The following GABPA variants were observed in gnomAD, a reference collection of about 807,000 sequenced individuals.
GABPA encodes the protein GA binding protein transcription factor subunit alpha.
In GABPA, 4 loss-of-function variants were observed where a neutral mutation model predicts 59.4. The observed-to-expected ratio is 0.07, with a 90% confidence interval of 0.03 to 0.15. The LOEUF is 0.15. Ranked by LOEUF, GABPA falls within the 10% of genes least tolerant of loss-of-function variation. The probability of loss-of-function intolerance (pLI) is 1.00; values close to 1 mark genes in which losing one functional copy is unlikely to be tolerated. For missense variants in GABPA, 251 were observed against 543.8 expected (o/e 0.46, Z 5.36); for synonymous variants, 164 against 183.1 (o/e 0.90, Z 0.84).
chr21:25,736,011 T>A (rs897493748), intron 1 of GABPA, among the ~76,000 whole-genome samples: 1 of 152,152 alleles, frequency 6.6e-6, no homozygotes, highest in Non-Finnish European at 1.5e-5. Context: ...GATTCACTCA[T>A]TTCAAATCCG....
intron 6 of GABPA, among the ~76,000 whole-genome samples, chr21:25,761,576 G>A (rs2035767547): frequency 6.6e-6 from 1 of 152,182 alleles, no homozygotes; most frequent in Admixed American, 6.6e-5. Context: ...GGAGGGTATA[G>A]TTTCAATTTC....
At position 25,757,979 on chromosome 21, in the gene GABPA, A is replaced by G. The variant is rs565203726; in HGVS notation, c.554-31A>G. 108 of 1,393,844 alleles carry G rather than the reference A, an allele frequency of 7.7e-5. 2 individuals are homozygous for G. In the South Asian group the frequency reaches 1.6e-3, roughly 20 times the overall value. 86.3% of individuals were successfully genotyped at this position (1,393,844 alleles called of 1,614,324 possible). ...AAATTTACACAGTATCTAAAATGGA[A>G]CTAGGCTAAAGTGAATATTTTTCTT... On this transcript the variant is annotated intron_variant, in intron 5 of 9. Transcript: ENST00000400075.
intron 9 of GABPA, 112 bp downstream of exon 9, chr21:25,764,899 T>TTTA: frequency 1.4e-6 from 1 of 718,668 alleles, no homozygotes; most frequent in Non-Finnish European, 2.0e-6. Context: ...AAAACTTGTT[T>TTTA]ATGTTTTTTT....
intron 4 of GABPA, 61 bp from the exon 5 acceptor site, chr21:25,751,927 TA>T: frequency 6.4e-7 from 1 of 1,551,944 alleles, no homozygotes; most frequent in Non-Finnish European, 8.8e-7. Context: ...TAAACTAAAT[TA>T]TTTTTTGGTG....
At position 25,762,966 on chromosome 21, in the gene GABPA, A is replaced by G. The variant is rs1601148760; in HGVS notation, c.802+601A>G. ...CCAGGGCAAACCCTTCGCCGCCTCC[A>G]CTACTTTTGCTTGGCTTTTCCCCTT... On this transcript the variant is annotated intron_variant, in intron 7 of 9. Transcript: ENST00000400075. 5.3e-5 allele frequency: 20 copies of G among 378,458 alleles called. 1 individual carries two copies. The South Asian group carries it at 5.3e-4, about 10-fold the overall frequency. 23.4% of individuals were successfully genotyped at this position (378,458 alleles called of 1,614,324 possible).
At chr21:25,768,473 C>A (rs910431522) in intron 9 of GABPA, among the ~76,000 whole-genome samples, 1 of 151,870 alleles carries the variant, frequency 6.6e-6, no homozygotes, top group Non-Finnish European at 1.5e-5. Flanking sequence ...ATTAACATAG[C>A]TTATATTTTG....
At chr21:25,743,125 G>A (rs1430577047) in intron 2 of GABPA, among the ~76,000 whole-genome samples, 1 of 152,160 alleles carries the variant, frequency 6.6e-6, no homozygotes, top group African/African-American at 2.4e-5. Context: ...GAGACTCTCA[G>A]CAAGATGCCT....
At chr21:25,763,253 T>G (rs759429930) in intron 7 of GABPA, 2 of 410,836 alleles carry the variant, frequency 4.9e-6, no homozygotes, top group Non-Finnish European at 9.4e-6. Context: ...CTTTTAAGCC[T>G]GCTGAGCTCT....
rs71651655 is a variant in GABPA, at chr21:25,768,163, T to C, written c.1137-841T>C. ...ATAAATCCAGCTCCATTTGCATCTC[T>C]ATAGAATGCAGCAGTAAACTAGATT... On this transcript the variant is annotated intron_variant, in intron 9 of 9. Coordinates refer to ENST00000400075, the MANE Select transcript of GABPA (RefSeq NM_002040.4). Among the ~76,000 whole-genome samples the C allele has an allele frequency of 3.7e-4, 57 of 152,090 alleles. No homozygotes were observed. The East Asian group carries it at 8.5e-3, about 23-fold the overall frequency.
At chr21:25,762,519 A>G (rs543046587) in intron 7 of GABPA, among the ~76,000 whole-genome samples, 154 bp downstream of exon 7, 1 of 152,336 alleles carries the variant, frequency 6.6e-6, no homozygotes, top group East Asian at 1.9e-4. Flanking sequence ...CAAGTACTTT[A>G]TAAGATCCAC....
Position 25,764,343 on chromosome 21 carries a change from C to T in GABPA, c.936C>T (p.Asn312=), listed in dbSNP as rs1447610590. 3.7e-6 allele frequency: 6 copies of T among 1,606,266 alleles called. No individual in the cohort carries two copies. In the Admixed American group the frequency reaches 8.6e-5, roughly 23 times the overall value. Residue 312 remains asparagine, a synonymous_variant, in exon 8 of 10, where the codon AAC becomes AAT. Coordinates refer to ENST00000400075, the MANE Select transcript of GABPA (RefSeq NM_002040.4). ...ISGEDRSSPG[N]RTGNNGQIQL... ...GAGAAGATAGAAGCTCACCTGGGAA[C>T]AGAACAGGTATTTTTGTATTTTCTT...
chr21:25,759,285 TG>T (rs2035711291), intron 6 of GABPA, among the ~76,000 whole-genome samples: 1 of 152,214 alleles, frequency 6.6e-6, no homozygotes, highest in African/African-American at 2.4e-5. Context: ...ACTCTGACTT[TG>T]CTTTTGTATC....
chr21:25,764,360 T>C lies in GABPA; in HGVS notation c.943+10T>C. Reference sequence around the variant, plus strand: ...CCTGGGAACAGAACAGGTATTTTTGTATTTTCTTGTATTTATAAAATATAT... The same window carrying C: ...CCTGGGAACAGAACAGGTATTTTTGCATTTTCTTGTATTTATAAAATATAT... On this transcript the variant is annotated intron_variant, in intron 8 of 9. Transcript: ENST00000400075. The C allele has an allele frequency of 6.3e-7, 1 of 1,584,434 alleles. No homozygotes were observed. Among genetic ancestry groups the C allele is most frequent in the Non-Finnish European group, 8.6e-7 (1 of 1,166,786 alleles).
rs200091291 is a variant in GABPA at position 25,762,368 on chromosome 21, G to A, written c.802+3G>A. The A allele has an allele frequency of 3.2e-5, 50 of 1,559,256 alleles. No homozygotes were observed. In the African/African-American group the frequency reaches 6.8e-4, roughly 21 times the overall value. Reference sequence around the variant, plus strand: ...TGAAATAGTTACAATTGATCAACGTGAGTATTTGTACCTATATTTGCCCTT... The same window carrying A: ...TGAAATAGTTACAATTGATCAACGTAAGTATTTGTACCTATATTTGCCCTT... On this transcript the variant is annotated splice_donor_region_variant and intron_variant, in intron 7 of 9. Transcript: ENST00000400075.
chr21:25,768,096 A>T (rs1384919079), intron 9 of GABPA, among the ~76,000 whole-genome samples: 1 of 152,040 alleles, frequency 6.6e-6, no homozygotes, highest in Non-Finnish European at 1.5e-5. Context: ...AATTAGCAAT[A>T]CATAGTGTGT....
intron 2 of GABPA, 139 bp downstream of exon 2, chr21:25,741,814 C>A: frequency 1.8e-6 from 1 of 552,606 alleles, no homozygotes; most frequent in Non-Finnish European, 3.2e-6. Context: ...TGTTTTATTT[C>A]CTCTGACTTA....
At position 25,735,023 on chromosome 21, in the gene GABPA, G is replaced by A. The variant is rs1004030356; in HGVS notation, c.-582G>A. ...AGCGTCTCGGAGACAGTCTGCGACCGGACGGGTCTAGGTGAGACAGAAGCC... is the reference window on the plus strand; with the variant it reads ...AGCGTCTCGGAGACAGTCTGCGACCAGACGGGTCTAGGTGAGACAGAAGCC... On this transcript the variant is annotated 5_prime_UTR_variant, in exon 1 of 10. Coordinates refer to ENST00000400075, the MANE Select transcript of GABPA (RefSeq NM_002040.4). The A allele has an allele frequency of 6.6e-7, 1 of 1,513,466 alleles. No homozygotes were observed. The highest frequency in any genetic ancestry group is 8.9e-7 in the Non-Finnish European group (1 of 1,119,146). 93.8% of individuals were successfully genotyped at this position (1,513,466 alleles called of 1,614,324 possible). A position where few individuals can be genotyped will look rare whatever the true frequency, so the allele number is the denominator to read the frequency against.
chr21:25,767,756 T>C (rs192120366), intron 9 of GABPA, among the ~76,000 whole-genome samples: 3 of 152,230 alleles, frequency 2.0e-5, no homozygotes, highest in Admixed American at 2.0e-4. Flanking sequence ...TCTGTACTAA[T>C]GTAATTGACA....
intron 1 of GABPA, among the ~76,000 whole-genome samples, chr21:25,735,880 CG>C (rs1283693399): frequency 1.3e-5 from 2 of 152,112 alleles, no homozygotes; most frequent in Non-Finnish European, 2.9e-5. Context: ...CTCCTTTCCG[CG>C]TCCCCTCCTC....
Sources: gnomAD v4.1 joint callset for allele counts (sites outside exome capture counted in the v4.1 genomes callset) on GRCh38, gnomAD v4.1.1 for gene constraint, MANE v1.5 for transcripts, NCBI Gene and HGNC (gene_info 2026-07-23, HGNC 2026-07-21) for gene names.